Variants in PDE4D observed in about 807,000 individuals in gnomAD.
PDE4D encodes the protein 3',5'-cyclic-AMP phosphodiesterase 4D.
In PDE4D, 24 loss-of-function variants were observed where a neutral mutation model predicts 87.4. The observed-to-expected ratio is 0.27, with a 90% CI of 0.20 to 0.39. The LOEUF (loss-of-function observed/expected upper bound fraction) is 0.39. Among genes scored for constraint, PDE4D ranks in the 10% least tolerant of loss-of-function variants. The pLI is 1.00. For missense variants in PDE4D, 714 were observed against 1,041.0 expected, an observed-to-expected ratio of 0.69 and a Z score of 4.32; for synonymous variants, 384 against 383.2, an observed-to-expected ratio of 1.00 and a Z score of -0.02.
intron 2 of PDE4D, among the ~76,000 whole-genome samples, chr5:59,209,156 A>T (rs1326144023): frequency 6.6e-6 from 1 of 152,122 alleles, no homozygotes; most frequent in Non-Finnish European, 1.5e-5. Context: ...TCTCTCAAAT[A>T]GTCTCACATA....
At chr5:59,519,447 G>C (rs889010773) in intron 1 of PDE4D, among the ~76,000 whole-genome samples, 2 of 152,194 alleles carry the variant, frequency 1.3e-5, no homozygotes, top group Non-Finnish European at 2.9e-5. Context: ...CAGATACTTA[G>C]AGGAAGAGAA....
chr5:59,433,019 T>A (rs1796334057), intron 1 of PDE4D, among the ~76,000 whole-genome samples: 1 of 152,140 alleles, frequency 6.6e-6, no homozygotes, highest in African/African-American at 2.4e-5. Context: ...GACTGCCAAC[T>A]AATTGTGATG....
At chr5:59,636,551 C>T (rs2150171614) in intron 1 of PDE4D, among the ~76,000 whole-genome samples, 1 of 152,280 alleles carries the variant, frequency 6.6e-6, no homozygotes, top group South Asian at 2.1e-4. Flanking sequence ...GGTACCAAAA[C>T]AGGTATATAG....
At chr5:59,280,238 A>T (rs1225996105) in intron 1 of PDE4D, among the ~76,000 whole-genome samples, 1 of 152,102 alleles carries the variant, frequency 6.6e-6, no homozygotes, top group Non-Finnish European at 1.5e-5. Context: ...CTCATTAGGC[A>T]ATACTGGTTA....
chr5:60,234,679 T>G (rs928736487), intron 1 of PDE4D, among the ~76,000 whole-genome samples: 1 of 151,868 alleles, frequency 6.6e-6, no homozygotes, highest in Non-Finnish European at 1.5e-5. Flanking sequence ...GCCTGGGACT[T>G]TCTTTGTGGG....
intron 1 of PDE4D, among the ~76,000 whole-genome samples, chr5:60,474,136 ATATATATATATAT>A (rs1748113322): frequency 1.0e-5 from 1 of 97,658 alleles, no homozygotes; most frequent in African/African-American, 6.1e-5. Flanking sequence ...ATATATATAT[ATATATATATATAT>A]AACAAAAACC....
intron 1 of PDE4D, among the ~76,000 whole-genome samples, chr5:60,364,226 AC>A (rs1760330279): frequency 6.6e-6 from 1 of 152,150 alleles, no homozygotes; most frequent in South Asian, 2.1e-4. Flanking sequence ...GACCAGCCAA[AC>A]TGAGGGATCC....
intron 5 of PDE4D, among the ~76,000 whole-genome samples, chr5:59,140,438 G>A (rs1044896636): frequency 6.6e-6 from 1 of 152,182 alleles, no homozygotes; most frequent in African/African-American, 2.4e-5. Flanking sequence ...GGATGGTGGA[G>A]TTAGTTTATT....
At chr5:59,189,917 G>A (rs1169495967) in intron 3 of PDE4D, among the ~76,000 whole-genome samples, 1 of 152,200 alleles carries the variant, frequency 6.6e-6, no homozygotes, top group African/African-American at 2.4e-5. Context: ...CCCTGACAGT[G>A]TTTTAGACAA....
intron 1 of PDE4D, among the ~76,000 whole-genome samples, chr5:59,578,937 C>T (rs1199433664): frequency 6.6e-6 from 1 of 151,972 alleles, no homozygotes; most frequent in Non-Finnish European, 1.5e-5. Context: ...TCTCCTTCTC[C>T]TCTTTCCTCC....
At chr5:60,378,457 T>C (rs2046657985) in intron 1 of PDE4D, among the ~76,000 whole-genome samples, 1 of 152,160 alleles carries the variant, frequency 6.6e-6, no homozygotes. Flanking sequence ...ATTAATACCT[T>C]AATATGAGTG....
In PDE4D at chr5:59,100,106, A is replaced by G. The variant is rs1292768474; in HGVS notation, c.809-61135T>C. 5.3e-5 allele frequency among the ~76,000 whole-genome samples: 8 copies of G among 152,304 alleles called. No homozygotes were observed. In the East Asian group the frequency reaches 1.5e-3, roughly 29 times the overall value. On this transcript the variant is annotated intron_variant, in intron 5 of 14. Transcript: ENST00000340635. ...CAACCTATCTCCCAAACTGCTTCCC[A>G]TGGTTCCACTGATTCTCTTCTTTCA...
chr5:59,631,033 C>G (rs183124722), intron 1 of PDE4D, among the ~76,000 whole-genome samples: 1 of 152,122 alleles, frequency 6.6e-6, no homozygotes, highest in East Asian at 1.9e-4. Context: ...AAAATGTAAG[C>G]AAAAGGCACA....
chr5:59,434,481 T>G (rs1175505023), intron 1 of PDE4D, among the ~76,000 whole-genome samples: 1 of 152,090 alleles, frequency 6.6e-6, no homozygotes, highest in Non-Finnish European at 1.5e-5. Flanking sequence ...TTGCATCTGC[T>G]CTCAATTCTT....
intron 1 of PDE4D, among the ~76,000 whole-genome samples, chr5:59,456,976 CT>C (rs1800021892): frequency 6.6e-6 from 1 of 152,084 alleles, no homozygotes; most frequent in African/African-American, 2.4e-5. Flanking sequence ...ATGAAATCTA[CT>C]AATGGTAAAG....
chr5:59,049,414 T>C (rs2153402384), intron 5 of PDE4D, among the ~76,000 whole-genome samples: 1 of 152,338 alleles, frequency 6.6e-6, no homozygotes, highest in African/African-American at 2.4e-5. Context: ...TTTCAAACTC[T>C]TTCTCTTTTT....
chr5:59,045,979 G>A (rs961180672), intron 5 of PDE4D, among the ~76,000 whole-genome samples: 1 of 152,148 alleles, frequency 6.6e-6, no homozygotes, highest in Non-Finnish European at 1.5e-5. Flanking sequence ...AATATGTCAG[G>A]TATGAACAGA....
rs546811371 is a variant in PDE4D, at chr5:59,923,335, T to C, written c.272+65153A>G. ...CTTGTTGGCTATGCTACCTGCTGAT[T>C]GTAGAGCCTTAGGACCTTGAGCAAA... On this transcript the variant is annotated intron_variant, in intron 3 of 16. Transcript: ENST00000502484. Among the ~76,000 whole-genome samples, 6 of 152,326 alleles carry C rather than the reference T, an allele frequency of 3.9e-5. No individual in the cohort carries two copies. In the South Asian group the frequency reaches 1.2e-3, roughly 32 times the overall value.
intron 1 of PDE4D, among the ~76,000 whole-genome samples, chr5:59,498,574 G>A (rs1807650239): frequency 6.6e-6 from 1 of 151,542 alleles, no homozygotes; most frequent in Non-Finnish European, 1.5e-5. Flanking sequence ...GCAAGTAAAT[G>A]GATAGAGAAA....
Sources: allele counts gnomAD v4.1 joint callset (sites outside exome capture counted in the v4.1 genomes callset), GRCh38; gene constraint gnomAD v4.1.1; transcripts MANE v1.5; gene names NCBI Gene and HGNC (gene_info 2026-07-23, HGNC 2026-07-21).